Variants in RPS6KA5 observed in about 807,000 individuals in gnomAD.
RPS6KA5 encodes the protein ribosomal protein S6 kinase A5, also known as ribosomal protein S6 kinase alpha-5.
A neutral mutation model predicts 85.5 loss-of-function variants in RPS6KA5; 27 were observed. The observed-to-expected ratio is 0.32, with a 90% CI of 0.23 to 0.44. The LOEUF (loss-of-function observed/expected upper bound fraction) is 0.44, where lower values mean the gene tolerates loss of function less well. RPS6KA5 is among the 20% of genes least tolerant of loss of function. RPS6KA5 has a pLI of 1.00. For missense variants in RPS6KA5, 811 were observed against 980.9 expected, an observed-to-expected ratio of 0.83 and a Z score of 2.31; for synonymous variants, 334 against 348.2, an observed-to-expected ratio of 0.96 and a Z score of 0.46.
At chr14:90,917,108 T>C (rs2036158927) in intron 7 of RPS6KA5, among the ~76,000 whole-genome samples, 1 of 152,182 alleles carries the variant, frequency 6.6e-6, no homozygotes, top group Non-Finnish European at 1.5e-5. Flanking sequence ...ATCTTACAAC[T>C]GGACCCAAAT....
At chr14:90,887,794 T>TA (rs2034318354) in intron 14 of RPS6KA5, among the ~76,000 whole-genome samples, 1 of 126,240 alleles carries the variant, frequency 7.9e-6, no homozygotes, top group African/African-American at 3.0e-5. Context: ...TCTTTTCTAT[T>TA]TAAAAAAAAA....
rs1491464035 is a variant in RPS6KA5, at chr14:90,850,481, A to AAAC, written c.*21592_*21593insGTT. The AAAC allele has an allele frequency of 7.1e-6, 1 of 141,086 alleles. No individual in the cohort carries two copies. The highest frequency in any genetic ancestry group is 2.6e-5 in the African/African-American group (1 of 38,846). 8.7% of individuals were successfully genotyped at this position (141,086 alleles called of 1,614,324 possible). ...AACCATACAAAAAAAAAAAAAAAAAACAGAAAATATTACATAACCAGGCCT... is the reference window on the plus strand; with the variant it reads ...AACCATACAAAAAAAAAAAAAAAAAAAACCAGAAAATATTACATAACCAGGCCT... On this transcript the variant is annotated 3_prime_UTR_variant, in exon 17 of 17. Transcript: ENST00000614987.
intron 3 of RPS6KA5, among the ~76,000 whole-genome samples, chr14:90,950,583 G>A (rs539327305): frequency 2.2e-4 from 33 of 152,268 alleles, no homozygotes; most frequent in African/African-American, 7.5e-4. Flanking sequence ...ACTTTGTTGA[G>A]CGTTATTATG....
intron 3 of RPS6KA5, among the ~76,000 whole-genome samples, chr14:90,959,254 G>A (rs763001197): frequency 9.2e-5 from 14 of 152,136 alleles, no homozygotes; most frequent in Non-Finnish European, 2.1e-4. Flanking sequence ...TTGCCCTTGC[G>A]GCTGTGCAGC....
chr14:90,974,060 T>A (rs927391), intron 3 of RPS6KA5, among the ~76,000 whole-genome samples: 9,323 of 71,686 alleles, frequency 0.13, 587 homozygotes, highest in East Asian at 0.27. Flanking sequence ...AAAAAAAAAA[T>A]AGTGTCCAAA....
At chr14:91,019,361 C>G (rs957371272) in intron 1 of RPS6KA5, among the ~76,000 whole-genome samples, 2 of 152,112 alleles carry the variant, frequency 1.3e-5, no homozygotes, top group Non-Finnish European at 2.9e-5. Flanking sequence ...AGTTGAAGGC[C>G]TTAACAGAAC....
intron 14 of RPS6KA5, among the ~76,000 whole-genome samples, chr14:90,887,116 A>G (rs953462305): frequency 1.3e-5 from 2 of 152,050 alleles, no homozygotes; most frequent in Non-Finnish European, 2.9e-5. Flanking sequence ...TTTTTTTCGG[A>G]TAGTTTAATG....
intron 2 of RPS6KA5, among the ~76,000 whole-genome samples, chr14:90,995,182 C>T (rs931805677): frequency 3.9e-5 from 6 of 152,130 alleles, no homozygotes; most frequent in South Asian, 4.1e-4. Flanking sequence ...CCCGCCACAA[C>T]GCCTGGCTAA....
At chr14:91,004,209 C>G (rs1407876990) in intron 1 of RPS6KA5, among the ~76,000 whole-genome samples, 2 of 152,186 alleles carry the variant, frequency 1.3e-5, no homozygotes, top group Non-Finnish European at 2.9e-5. Flanking sequence ...CCTCAGCCTC[C>G]CGAGGAGCTG....
intron 1 of RPS6KA5, among the ~76,000 whole-genome samples, chr14:91,045,995 T>C (rs1951455): frequency 0.74 from 111,364 of 151,402 alleles, 41,024 homozygotes; most frequent in East Asian, 0.87. Context: ...AAGGCTTTGT[T>C]TCCCCGCTCT....
intron 14 of RPS6KA5, among the ~76,000 whole-genome samples, chr14:90,885,186 G>C (rs1255329523): frequency 6.6e-6 from 1 of 151,108 alleles, no homozygotes; most frequent in Admixed American, 6.6e-5. Context: ...CTGGGAGGTC[G>C]AGGCTGCAGT....
At chr14:91,046,230 G>T (rs939092876) in intron 1 of RPS6KA5, among the ~76,000 whole-genome samples, 1 of 152,144 alleles carries the variant, frequency 6.6e-6, no homozygotes, top group Non-Finnish European at 1.5e-5. Flanking sequence ...CTAAAACCCA[G>T]CATCTAGTGC....
chr14:90,885,741 C>CAAAAAAAAAAAAAAAAAAAA (rs11312699), intron 14 of RPS6KA5, among the ~76,000 whole-genome samples: 5 of 27,876 alleles, frequency 1.8e-4, no homozygotes, highest in African/African-American at 3.5e-4. Flanking sequence ...GACTCCATCT[C>CAAAAAAAAAAAAAAAAAAAA]AAAAAAAAAA....
At chr14:90,942,647 A>C (rs1440450556) in intron 5 of RPS6KA5, among the ~76,000 whole-genome samples, 1 of 152,188 alleles carries the variant, frequency 6.6e-6, no homozygotes, top group Non-Finnish European at 1.5e-5. Context: ...GATCTCTGTC[A>C]TTCTTGTCAA....
intron 3 of RPS6KA5, among the ~76,000 whole-genome samples, chr14:90,949,338 C>T (rs2038047720): frequency 6.6e-6 from 1 of 152,178 alleles, no homozygotes; most frequent in African/African-American, 2.4e-5. Flanking sequence ...TTACTTTCTT[C>T]TATGTTAGCA....
chr14:90,923,005 C>A, intron 6 of RPS6KA5, 108 bp downstream of exon 6: 1 of 736,224 alleles, frequency 1.4e-6, no homozygotes, highest in Non-Finnish European at 2.3e-6. Flanking sequence ...GTAAGACAAT[C>A]AACACCAGAA....
intron 1 of RPS6KA5, among the ~76,000 whole-genome samples, chr14:91,003,939 G>A (rs536492792): frequency 6.6e-6 from 1 of 152,310 alleles, no homozygotes; most frequent in Non-Finnish European, 1.5e-5. Context: ...ATCTGCACAG[G>A]GCAAAGGGAC....
intron 7 of RPS6KA5, among the ~76,000 whole-genome samples, chr14:90,910,689 T>TG (rs1566729200): frequency 7.2e-6 from 1 of 138,452 alleles, no homozygotes; most frequent in African/African-American, 2.8e-5. Flanking sequence ...ATTATTATTT[T>TG]TTTTTTTTTT....
intron 12 of RPS6KA5, among the ~76,000 whole-genome samples, chr14:90,897,995 C>T (rs904917303): frequency 1.3e-5 from 2 of 152,150 alleles, no homozygotes; most frequent in Non-Finnish European, 2.9e-5. Context: ...AGCGGTTCCC[C>T]CTGAGTCCTT....
Sources: gnomAD v4.1 joint callset for allele counts (sites outside exome capture counted in the v4.1 genomes callset) on GRCh38, gnomAD v4.1.1 for gene constraint, MANE v1.5 for transcripts, NCBI Gene and HGNC (gene_info 2026-07-23, HGNC 2026-07-21) for gene names.